RGS21: variants seen among roughly 807,000 people sequenced by gnomAD.
RGS21 encodes the protein regulator of G protein signaling 21, also known as regulator of G-protein signalling 21.
A neutral mutation model predicts 18.7 loss-of-function variants in RGS21; 19 were observed. The ratio of observed to expected loss-of-function variants is 1.01; its 90% CI spans 0.71 to 1.49. The LOEUF (loss-of-function observed/expected upper bound fraction) is 1.49. RGS21 is among the 40% of genes most tolerant of loss of function. The pLI is 0.00. For synonymous variants in RGS21, 56 were observed against 57.8 expected (o/e 0.97, Z 0.14); for missense variants, 194 against 176.8 (o/e 1.10, Z -0.55).
intron 1 of RGS21, among the ~76,000 whole-genome samples, chr1:192,318,738 A>C (rs928312211): frequency 6.6e-6 from 1 of 152,144 alleles, no homozygotes; most frequent in Non-Finnish European, 1.5e-5. Flanking sequence ...TTATTGAAAG[A>C]ATAAAAAACC....
chr1:192,329,298 T>C (rs1658612340), intron 1 of RGS21, among the ~76,000 whole-genome samples: 2 of 152,090 alleles, frequency 1.3e-5, no homozygotes, highest in South Asian at 2.1e-4. Flanking sequence ...CTTGGATATA[T>C]GTCAGCTTCA....
At chr1:192,333,431 G>A in intron 1 of RGS21, among the ~76,000 whole-genome samples, 1 of 151,848 alleles carries the variant, frequency 6.6e-6, no homozygotes, top group Non-Finnish European at 1.5e-5. Flanking sequence ...TAAATAAGAA[G>A]TGTCCTTAAG....
intron 4 of RGS21, among the ~76,000 whole-genome samples, chr1:192,364,842 C>A (rs760976072): frequency 2.6e-5 from 4 of 152,030 alleles, no homozygotes; most frequent in African/African-American, 4.8e-5. Context: ...AGATTAAAAT[C>A]TCTTTTGAGG....
intron 1 of RGS21, among the ~76,000 whole-genome samples, chr1:192,331,628 A>G (rs1235505706): frequency 6.6e-6 from 1 of 151,784 alleles, no homozygotes; most frequent in Admixed American, 6.6e-5. Context: ...TATTATTCAA[A>G]AAATTTGACA....
At chr1:192,340,749 A>C (rs566616883) in intron 1 of RGS21, among the ~76,000 whole-genome samples, 2 of 152,190 alleles carry the variant, frequency 1.3e-5, no homozygotes, top group South Asian at 4.1e-4. Context: ...CCTCACAATC[A>C]CAGCTGTTGA....
At chr1:192,344,862 C>T (rs1658924748) in intron 2 of RGS21, among the ~76,000 whole-genome samples, 1 of 152,020 alleles carries the variant, frequency 6.6e-6, no homozygotes, top group Non-Finnish European at 1.5e-5. Context: ...CAATTTTTTT[C>T]TCCTAAAAAC....
chr1:192,356,435 A>G (rs187072102), intron 4 of RGS21, among the ~76,000 whole-genome samples: 2 of 151,982 alleles, frequency 1.3e-5, no homozygotes, highest in African/African-American at 2.4e-5. Context: ...ACTCTAAAGA[A>G]CTTTTCAATA....
At position 192,341,897 on chromosome 1, in the gene RGS21, T is replaced by C. The variant is rs143012180; in HGVS notation, c.-60-1080T>C. 1.4e-3 allele frequency among the ~76,000 whole-genome samples: 210 copies of C among 152,074 alleles called. 3 individuals are homozygous for C. Among genetic ancestry groups the C allele is most frequent in the African/African-American group, 4.7e-3 (196 of 41,512 alleles). On this transcript the variant is annotated intron_variant, in intron 1 of 4. Transcript: ENST00000417209. ...CTGAGCAAAACAAAAAGTGAAAATA[T>C]GTTTAATGATTCAGTTTTTGCTTAT...
Position 192,352,036 on chromosome 1 carries a change from A to G in RGS21, c.89-11A>G, listed in dbSNP as rs1354958668. ...GCTATTATACAAAACTTTTTCTCAT[A>G]TATTTTATAGCTGGTCTAGATGCTT... is the stretch of plus-strand genomic sequence containing the variant. On this transcript the variant is annotated splice_polypyrimidine_tract_variant and intron_variant, in intron 3 of 4. Transcript: ENST00000417209. 4 of 1,544,542 alleles carry G rather than the reference A, an allele frequency of 2.6e-6. No homozygotes were observed. The highest frequency in any genetic ancestry group is 2.3e-5 in the East Asian group (1 of 43,856).
intron 1 of RGS21, among the ~76,000 whole-genome samples, chr1:192,333,266 A>AC (rs1312810752): frequency 2.1e-5 from 3 of 143,800 alleles, no homozygotes; most frequent in Non-Finnish European, 3.0e-5. Flanking sequence ...GCAGTTTCTT[A>AC]AATACACACA....
chr1:192,359,424 T>G (rs1467924678), intron 4 of RGS21, among the ~76,000 whole-genome samples: 1 of 151,950 alleles, frequency 6.6e-6, no homozygotes, highest in East Asian at 1.9e-4. Context: ...GAGTGTCACC[T>G]CCTGATGGAG....
chr1:192,356,501 T>C (rs1211652073), intron 4 of RGS21, among the ~76,000 whole-genome samples: 8 of 151,696 alleles, frequency 5.3e-5, no homozygotes, highest in Middle Eastern at 3.2e-3. Flanking sequence ...AAGCAACAAA[T>C]GATTAAGTGC....
intron 1 of RGS21, among the ~76,000 whole-genome samples, chr1:192,336,474 AAAAT>A (rs1658770194): frequency 6.6e-6 from 1 of 152,150 alleles, no homozygotes; most frequent in Admixed American, 6.5e-5. Flanking sequence ...TAAATAAAAT[AAAAT>A]AAAAGGCTCA....
At chr1:192,351,700 C>T (rs149306484) in intron 3 of RGS21, among the ~76,000 whole-genome samples, 2,969 of 146,052 alleles carry the variant, frequency 0.02, 43 homozygotes, top group South Asian at 0.068. Flanking sequence ...GCTATATATG[C>T]TATATATAGC....
rs58984736 is a variant in RGS21, at chr1:192,321,273, A to T, written c.-61+4168A>T. ...TACACCTTGATTTTCGAGAAGAAATACTCTTTAAAACTGTCCATCAACTAA... is the reference window on the plus strand; with the variant it reads ...TACACCTTGATTTTCGAGAAGAAATTCTCTTTAAAACTGTCCATCAACTAA... On this transcript the variant is annotated intron_variant, in intron 1 of 4. Transcript: ENST00000417209. Among the ~76,000 whole-genome samples the T allele has an allele frequency of 5.9e-3, 897 of 152,078 alleles. 12 individuals are homozygous for T. The highest frequency in any genetic ancestry group is 0.02 in the African/African-American group (829 of 41,536).
rs745543379 is a variant in RGS21, at chr1:192,366,089, G to A, written c.424G>A (p.Val142Ile). The A allele has an allele frequency of 5.6e-6, 9 of 1,610,364 alleles. No individual in the cohort carries two copies. Among genetic ancestry groups the A allele is most frequent in the Non-Finnish European group, 7.6e-6 (9 of 1,178,272 alleles). ...IYKKLVNSQQ[V>I]PNHKKWLPFL is the part of the protein sequence containing the mutation. ...TAAAAAACTGGTAAATAGCCAACAG[G>A]TTCCAAATCATAAAAAATGGCTCCC... is the stretch of plus-strand genomic sequence containing the variant. The change falls in exon 5 of 5, where the codon GTT (valine) becomes ATT (isoleucine). Residue 142 changes from valine to isoleucine, a missense_variant. By Grantham distance (29) the Val-to-Ile change is conservative. Coordinates refer to ENST00000417209, the MANE Select transcript of RGS21 (RefSeq NM_001039152.3).
At chr1:192,338,936 C>T (rs866688415) in intron 1 of RGS21, among the ~76,000 whole-genome samples, 6 of 152,064 alleles carry the variant, frequency 3.9e-5, no homozygotes, top group South Asian at 2.1e-4. Context: ...TGCCCCCACT[C>T]AGTCTTGCTT....
intron 1 of RGS21, among the ~76,000 whole-genome samples, chr1:192,324,523 A>T (rs1008067894): frequency 6.6e-6 from 1 of 152,074 alleles, no homozygotes; most frequent in Non-Finnish European, 1.5e-5. Context: ...TCACATTGGA[A>T]AAAACTGAAA....
intron 1 of RGS21, among the ~76,000 whole-genome samples, chr1:192,324,295 T>C (rs952384609): frequency 2.0e-5 from 3 of 152,104 alleles, no homozygotes; most frequent in African/African-American, 7.2e-5. Flanking sequence ...ATTTTCTCAT[T>C]AGGCAAGTTT....
Sources: gnomAD v4.1 joint callset for allele counts (sites outside exome capture counted in the v4.1 genomes callset) on GRCh38, gnomAD v4.1.1 for gene constraint, MANE v1.5 for transcripts, NCBI Gene and HGNC (gene_info 2026-07-23, HGNC 2026-07-21) for gene names.